BACH2: variants seen among roughly 807,000 people sequenced by gnomAD.
BACH2 encodes the protein BACH transcriptional regulator 2.
BACH2 carries 5 observed loss-of-function variants against 61.8 expected under a neutral mutation model. That is an observed-to-expected ratio of 0.08 (90% confidence interval 0.04 to 0.17). BACH2 has a LOEUF of 0.17. Ranked by LOEUF, BACH2 falls within the 10% of genes least tolerant of loss-of-function variation. The pLI is 1.00. For missense variants in BACH2, 824 were observed against 1,091.1 expected, an observed-to-expected ratio of 0.76 and a Z score of 3.45; for synonymous variants, 446 against 440.1, an observed-to-expected ratio of 1.01 and a Z score of -0.17.
intron 4 of BACH2, among the ~76,000 whole-genome samples, chr6:90,131,487 A>G (rs999571623): frequency 1.5e-4 from 23 of 152,218 alleles, no homozygotes; most frequent in African/African-American, 5.5e-4. Context: ...GGCCATCAGG[A>G]TACCAAACTT....
intron 4 of BACH2, among the ~76,000 whole-genome samples, chr6:90,156,621 T>C (rs752409599): frequency 1.2e-4 from 18 of 152,102 alleles, no homozygotes; most frequent in African/African-American, 4.1e-4. Flanking sequence ...ACCAAACAAG[T>C]AGGCATTTCA....
chr6:90,281,147 C>G (rs1409449738), intron 1 of BACH2, among the ~76,000 whole-genome samples: 1 of 152,246 alleles, frequency 6.6e-6, no homozygotes, highest in African/African-American at 2.4e-5. Context: ...CTAAAGGGGA[C>G]AGCTCTCTTA....
Position 89,948,687 on chromosome 6 carries a change from C to G in BACH2, c.1836+1583G>C, listed in dbSNP as rs543420453. On this transcript the variant is annotated intron_variant, in intron 7 of 8. Coordinates refer to ENST00000257749, the MANE Select transcript of BACH2 (RefSeq NM_021813.4). ...AAAAGGAAAACCTCACAAAAGAGGT[C>G]AGAGGGAAAGAATGAGTGAGGAGAG... 5.7e-4 allele frequency among the ~76,000 whole-genome samples: 87 copies of G among 152,256 alleles called. 1 individual carries two copies. Among genetic ancestry groups the G allele is most frequent in the African/African-American group, 2.0e-3 (82 of 41,548 alleles).
intron 4 of BACH2, among the ~76,000 whole-genome samples, chr6:90,206,221 T>C (rs1769139735): frequency 6.6e-6 from 1 of 152,172 alleles, no homozygotes; most frequent in Non-Finnish European, 1.5e-5. Flanking sequence ...GCCACTTGTC[T>C]AGGGTCACTG....
At chr6:90,058,447 C>T (rs1780491277) in intron 5 of BACH2, among the ~76,000 whole-genome samples, 3 of 152,296 alleles carry the variant, frequency 2.0e-5, no homozygotes, top group African/African-American at 7.2e-5. Flanking sequence ...AGGAGAACTA[C>T]AAACCACTGC....
intron 5 of BACH2, among the ~76,000 whole-genome samples, chr6:90,020,563 TGCCA>T (rs1375753485): frequency 7.4e-6 from 1 of 135,720 alleles, no homozygotes; most frequent in African/African-American, 2.6e-5. Flanking sequence ...ACCTCGAACT[TGCCA>T]GCCTCTAGAA....
chr6:90,242,484 T>G (rs757695257), intron 3 of BACH2, among the ~76,000 whole-genome samples: 23 of 152,238 alleles, frequency 1.5e-4, no homozygotes, highest in Admixed American at 3.3e-4. Context: ...TCAATTCATC[T>G]AATGAAGGAT....
chr6:89,959,097 G>A (rs1219418843), intron 6 of BACH2, among the ~76,000 whole-genome samples: 11 of 134,402 alleles, frequency 8.2e-5, no homozygotes, highest in Non-Finnish European at 1.4e-4. Context: ...ATGCACAAGT[G>A]CACACACACA....
At chr6:90,228,379 A>C (rs1769984343) in intron 3 of BACH2, among the ~76,000 whole-genome samples, 1 of 152,228 alleles carries the variant, frequency 6.6e-6, no homozygotes, top group Non-Finnish European at 1.5e-5. Context: ...TTATTACTAT[A>C]ATGCATTATG....
chr6:90,126,319 A>G (rs779477231), intron 4 of BACH2, among the ~76,000 whole-genome samples: 3 of 152,176 alleles, frequency 2.0e-5, no homozygotes, highest in Non-Finnish European at 2.9e-5. Flanking sequence ...GGACTCGGGA[A>G]CACATCTCAA....
At chr6:89,945,802 C>T (rs920710726) in intron 7 of BACH2, among the ~76,000 whole-genome samples, 1 of 152,230 alleles carries the variant, frequency 6.6e-6, no homozygotes, top group Non-Finnish European at 1.5e-5. Flanking sequence ...TTTCCCTACA[C>T]TCCTCTCCAA....
At chr6:90,110,569 CT>C (rs1407720319) in intron 4 of BACH2, among the ~76,000 whole-genome samples, 1 of 152,194 alleles carries the variant, frequency 6.6e-6, no homozygotes, top group Non-Finnish European at 1.5e-5. Flanking sequence ...TTATCAAGCT[CT>C]ACAGTAGCAG....
chr6:90,124,233 CTATT>C (rs890691436), intron 4 of BACH2, among the ~76,000 whole-genome samples: 2 of 152,176 alleles, frequency 1.3e-5, no homozygotes, highest in African/African-American at 4.8e-5. Flanking sequence ...GTCCAACAGG[CTATT>C]TATTATTTAA....
intron 6 of BACH2, among the ~76,000 whole-genome samples, chr6:89,963,440 C>T (rs1475614229): frequency 6.6e-6 from 1 of 152,096 alleles, no homozygotes; most frequent in Non-Finnish European, 1.5e-5. Context: ...ACAGGAGGCA[C>T]ATACCGTCAT....
chr6:90,276,826 T>G (rs1194447118), intron 1 of BACH2, among the ~76,000 whole-genome samples: 4 of 152,164 alleles, frequency 2.6e-5, no homozygotes, highest in Non-Finnish European at 5.9e-5. Context: ...TATCACCTGC[T>G]AAAAGTTCTC....
chr6:90,257,648 T>C (rs1184141402), intron 2 of BACH2, among the ~76,000 whole-genome samples: 4 of 152,228 alleles, frequency 2.6e-5, no homozygotes, highest in Non-Finnish European at 5.9e-5. Flanking sequence ...TGATTTACAA[T>C]ATATCTGATG....
At chr6:90,056,144 G>C (rs1234535452) in intron 5 of BACH2, among the ~76,000 whole-genome samples, 2 of 152,066 alleles carry the variant, frequency 1.3e-5, no homozygotes, top group Admixed American at 6.5e-5. Context: ...ATGTAAATGG[G>C]CTAAATGCTC....
chr6:90,007,071 AATT>A (rs959900856), intron 6 of BACH2, among the ~76,000 whole-genome samples: 1 of 150,790 alleles, frequency 6.6e-6, no homozygotes, highest in Non-Finnish European at 1.5e-5. Flanking sequence ...TTAAAATTTT[AATT>A]ATTATTATTA....
At chr6:89,996,699 T>C (rs1223986363) in intron 6 of BACH2, among the ~76,000 whole-genome samples, 1 of 152,094 alleles carries the variant, frequency 6.6e-6, no homozygotes, top group Non-Finnish European at 1.5e-5. Flanking sequence ...ATAAACTTCA[T>C]GAAAGAGATG....
Sources: allele counts gnomAD v4.1 joint callset (sites outside exome capture counted in the v4.1 genomes callset), GRCh38; gene constraint gnomAD v4.1.1; transcripts MANE v1.5; gene names NCBI Gene and HGNC (gene_info 2026-07-23, HGNC 2026-07-21).